Variants in BAZ2B observed in about 807,000 individuals in gnomAD.
The protein encoded by BAZ2B is bromodomain adjacent to zinc finger domain protein 2B.
In BAZ2B, 91 loss-of-function variants were observed where a neutral mutation model predicts 246.0. That is an observed-to-expected ratio of 0.37 (90% CI 0.31 to 0.44). BAZ2B has a LOEUF of 0.44. Among genes scored for constraint, BAZ2B ranks in the 20% least tolerant of loss-of-function variants. The pLI is 1.00. For missense variants in BAZ2B, 2,332 were observed against 2,533.7 expected, an observed-to-expected ratio of 0.92 and a Z score of 1.71; for synonymous variants, 855 against 860.0, an observed-to-expected ratio of 0.99 and a Z score of 0.10.
the BAZ2B span, among the ~76,000 whole-genome samples, chr2:159,663,965 C>G: frequency 1.1e-5 from 1 of 93,030 alleles, no homozygotes; most frequent in Non-Finnish European, 2.1e-5. Context: ...CATGCTGGTG[C>G]GCTGCACCCA....
rs1309082959 is a variant in BAZ2B at position 159,433,274 on chromosome 2, T to C, written c.1383A>G (p.Pro461=). The C allele has an allele frequency of 6.2e-7, 1 of 1,614,186 alleles. No individual in the cohort carries two copies. The highest frequency in any genetic ancestry group is 1.3e-5 in the African/African-American group (1 of 75,062). ...LKKVIAALSN[P]KATSSSPAHP... is the part of the protein sequence containing the mutation. ...GTGCTGGTGAACTAGAGGTTGCTTT[T>C]GGATTTGACAAAGCTGCAATAACCT... is the stretch of plus-strand genomic sequence containing the variant. Residue 461 remains proline (P), a synonymous_variant, in exon 9 of 37, where the codon CCA becomes CCG. Coordinates refer to ENST00000392783, the MANE Select transcript of BAZ2B (RefSeq NM_013450.4).
chr2:159,332,097 A>G (rs2064883064), intron 34 of BAZ2B, among the ~76,000 whole-genome samples: 1 of 152,178 alleles, frequency 6.6e-6, no homozygotes, highest in African/African-American at 2.4e-5. Flanking sequence ...TTAGGTTAAG[A>G]GATTAAACAT....
chr2:159,692,018 T>C, the BAZ2B span, among the ~76,000 whole-genome samples: 4 of 152,232 alleles, frequency 2.6e-5, no homozygotes, highest in Non-Finnish European at 5.9e-5. Context: ...CCATGTATGA[T>C]CTATGTTTAT....
At chr2:159,359,498 C>G (rs1357332391) in intron 27 of BAZ2B, among the ~76,000 whole-genome samples, 1 of 152,110 alleles carries the variant, frequency 6.6e-6, no homozygotes, top group Non-Finnish European at 1.5e-5. Context: ...CAGGACCAGA[C>G]AGATTCACAG....
chr2:159,459,152 G>T (rs1288561356), intron 3 of BAZ2B: 1 of 152,024 alleles, frequency 6.6e-6, no homozygotes, highest in African/African-American at 2.4e-5. Flanking sequence ...TCTTTTCATT[G>T]TTCATGATAG....
intron 16 of BAZ2B, 30 bp from the exon 17 acceptor site, chr2:159,400,694 A>C: frequency 7.9e-7 from 1 of 1,261,770 alleles, no homozygotes; most frequent in Non-Finnish European, 1.1e-6. Context: ...AACTTGAGAT[A>C]ATAAAATAAA....
chr2:159,515,495 T>C (rs1015449886), intron 2 of BAZ2B, among the ~76,000 whole-genome samples: 2 of 152,152 alleles, frequency 1.3e-5, no homozygotes, highest in Non-Finnish European at 2.9e-5. Flanking sequence ...TAAATTTTAT[T>C]TATCTGTCTA....
chr2:159,708,909 C>T, the BAZ2B span, among the ~76,000 whole-genome samples: 1 of 152,030 alleles, frequency 6.6e-6, no homozygotes, highest in Admixed American at 6.6e-5. Flanking sequence ...GTTTTTGATG[C>T]TAATCCAGTA....
Position 159,433,329 on chromosome 2 carries a change from T to G in BAZ2B, c.1328A>C (p.Lys443Thr). The G allele has an allele frequency of 6.2e-7, 1 of 1,613,816 alleles. No individual in the cohort carries two copies. The highest frequency in any genetic ancestry group is 8.5e-7 in the Non-Finnish European group (1 of 1,179,968). Reference protein sequence around the residue: ...QYKQAFPSQLKKQESSKSLKK... With the variant: ...QYKQAFPSQLTKQESSKSLKK... Reference sequence around the variant, plus strand: ...CAGGCTCTTCGATGACTCTTGTTTCTTTAACTGTGATGGGAATGCCTGTTT... The same window carrying G: ...CAGGCTCTTCGATGACTCTTGTTTCGTTAACTGTGATGGGAATGCCTGTTT... Residue 443 changes from lysine (K) to threonine (T), a missense_variant, in exon 9 of 37, where the codon AAG becomes ACG. Lys to Thr is a moderately conservative substitution (Grantham distance 78). Coordinates refer to ENST00000392783, the MANE Select transcript of BAZ2B (RefSeq NM_013450.4).
the BAZ2B span, among the ~76,000 whole-genome samples, chr2:159,653,493 A>G: frequency 1.3e-5 from 2 of 152,088 alleles, no homozygotes. Flanking sequence ...AAAGAATCGT[A>G]TAGTATAGGT....
At position 159,386,286 on chromosome 2, in the gene BAZ2B, G is replaced by A. The variant is rs139871926; in HGVS notation, c.3471+67C>T. The A allele has an allele frequency of 1.8e-4, 252 of 1,417,080 alleles. 2 individuals carry two copies. The African/African-American group carries it at 3.2e-3, about 18-fold the overall frequency. The allele number at this position is 1,417,080 out of a possible 1,614,324, so 87.8% of individuals were successfully genotyped here. A position where few individuals can be genotyped will look rare whatever the true frequency, so the allele number is the denominator to read the frequency against. ...AATCTATATAATCTTCTGCTAATAT[G>A]CTAAAGCTATCTACCAATGCACTGA... On this transcript the variant is annotated intron_variant, in intron 22 of 36. Transcript: ENST00000392783.
chr2:159,643,612 T>C, the BAZ2B span, among the ~76,000 whole-genome samples: 1 of 152,012 alleles, frequency 6.6e-6, no homozygotes, highest in South Asian at 2.1e-4. Context: ...CGGTGGCTCA[T>C]GCCTGTAATC....
chr2:159,698,626 A>G, the BAZ2B span, among the ~76,000 whole-genome samples: 1 of 151,844 alleles, frequency 6.6e-6, no homozygotes, highest in Non-Finnish European at 1.5e-5. Flanking sequence ...CTCAATATAA[A>G]AATATTTTAA....
intron 1 of BAZ2B, among the ~76,000 whole-genome samples, chr2:159,613,267 T>C (rs943661716): frequency 2.0e-5 from 3 of 152,086 alleles, no homozygotes; most frequent in African/African-American, 7.2e-5. Context: ...TTAGAAGTAT[T>C]TTTTCATTAG....
In BAZ2B at chr2:159,500,435, T is replaced by C. The variant is rs566395782; in HGVS notation, c.-2-21714A>G. 3.3e-5 allele frequency among the ~76,000 whole-genome samples: 5 copies of C among 152,324 alleles called. No homozygotes were observed. In the East Asian group the frequency reaches 9.6e-4, roughly 29 times the overall value. On this transcript the variant is annotated intron_variant, in intron 2 of 36. Coordinates refer to ENST00000392783, the MANE Select transcript of BAZ2B (RefSeq NM_013450.4). Reference sequence around the variant, plus strand: ...GGTTACTGTAGCCTTGTAGTATAGTTTGAAGTTGGGGAGCCTCCCGTGATG... The same window carrying C: ...GGTTACTGTAGCCTTGTAGTATAGTCTGAAGTTGGGGAGCCTCCCGTGATG...
At chr2:159,342,376 C>T (rs958041982) in intron 31 of BAZ2B, among the ~76,000 whole-genome samples, 4 of 152,210 alleles carry the variant, frequency 2.6e-5, no homozygotes, top group African/African-American at 9.7e-5. Context: ...AACTTCACTT[C>T]TTGGGCTCAA....
chr2:159,338,743 C>T (rs1237505050), intron 31 of BAZ2B, among the ~76,000 whole-genome samples: 1 of 152,150 alleles, frequency 6.6e-6, no homozygotes, highest in South Asian at 2.1e-4. Context: ...CATGCTGTTC[C>T]CACTTCCTGG....
the BAZ2B span, among the ~76,000 whole-genome samples, chr2:159,708,597 T>A: frequency 7.3e-5 from 11 of 149,996 alleles, no homozygotes; most frequent in African/African-American, 9.8e-5. Context: ...TTATTTATTT[T>A]GAGATAGGGT....
At chr2:159,463,217 C>T in intron 3 of BAZ2B, 2 of 504,592 alleles carry the variant, frequency 4.0e-6, no homozygotes, top group South Asian at 1.7e-5. Context: ...GCTATGCATA[C>T]CTTCTCCTTA....
Sources: allele counts gnomAD v4.1 joint callset (sites outside exome capture counted in the v4.1 genomes callset), GRCh38; gene constraint gnomAD v4.1.1; transcripts MANE v1.5; gene names NCBI Gene and HGNC (gene_info 2026-07-23, HGNC 2026-07-21).